MCF2L2: variants seen among roughly 807,000 people sequenced by gnomAD.
MCF2L2 encodes the protein MCF.2 cell line derived transforming sequence-like 2, also known as probable guanine nucleotide exchange factor MCF2L2.
MCF2L2 carries 102 observed loss-of-function variants against 150.2 expected under a neutral mutation model. The ratio of observed to expected loss-of-function variants is 0.68; its 90% CI spans 0.58 to 0.80. The LOEUF is 0.80. Among genes scored for constraint, MCF2L2 ranks in the 30% least tolerant of loss-of-function variants. The probability of loss-of-function intolerance (pLI) is 0.00; values close to 1 mark genes in which losing one functional copy is unlikely to be tolerated. For synonymous variants in MCF2L2, 465 were observed against 491.3 expected (o/e 0.95, Z 0.71); for missense variants, 1,256 against 1,372.8 (o/e 0.91, Z 1.34).
chr3:183,273,087 C>A (rs1393335629), intron 15 of MCF2L2: 36 of 1,410,798 alleles, frequency 2.6e-5, no homozygotes, highest in Non-Finnish European at 3.3e-5. Context: ...GGGTTCCAAC[C>A]TTTTAAAAAA....
intron 3 of MCF2L2, chr3:183,378,329 T>C (rs9875730): frequency 0.068 from 10,428 of 152,416 alleles, 1,225 homozygotes; most frequent in African/African-American, 0.24. Flanking sequence ...GACACAGCAC[T>C]GCCTAAGGAG....
intron 27 of MCF2L2, among the ~76,000 whole-genome samples, chr3:183,180,521 C>A (rs1721484701): frequency 6.6e-6 from 1 of 152,128 alleles, no homozygotes; most frequent in Non-Finnish European, 1.5e-5. Context: ...GCCTCCTTTT[C>A]TCTCCCCTAA....
At chr3:183,213,911 G>T (rs552343735) in intron 22 of MCF2L2, among the ~76,000 whole-genome samples, 2 of 152,306 alleles carry the variant, frequency 1.3e-5, no homozygotes, top group Admixed American at 6.5e-5. Flanking sequence ...TAGTAGAAAA[G>T]GTACCAAAAA....
intron 2 of MCF2L2, among the ~76,000 whole-genome samples, chr3:183,386,116 T>C (rs1389975682): frequency 1.3e-5 from 2 of 152,202 alleles, no homozygotes; most frequent in Non-Finnish European, 2.9e-5. Flanking sequence ...TAAGTTCCCT[T>C]GTAGTCAGAT....
At chr3:183,204,812 T>G (rs1307199869) in intron 25 of MCF2L2, among the ~76,000 whole-genome samples, 1 of 152,148 alleles carries the variant, frequency 6.6e-6, no homozygotes, top group Non-Finnish European at 1.5e-5. Flanking sequence ...AATGGACTGT[T>G]ACTCAGCCAT....
intron 15 of MCF2L2, among the ~76,000 whole-genome samples, chr3:183,276,086 C>T (rs955620730): frequency 1.3e-5 from 2 of 152,144 alleles, no homozygotes; most frequent in African/African-American, 4.8e-5. Flanking sequence ...GAGATTATAC[C>T]ATTCAACGCC....
In MCF2L2 at chr3:183,257,958, C is replaced by CTTTTTTTTTTTTTTTTTT. The variant is rs35323502; in HGVS notation, c.1862+18896_1862+18913dup. Reference sequence around the variant, plus strand: ...TATTCCTTGCTCCCTCCACTTCACCCTTTTTTTTTTTTTTTTTTTTTTTTT... The same window carrying CTTTTTTTTTTTTTTTTTT: ...TATTCCTTGCTCCCTCCACTTCACCCTTTTTTTTTTTTTTTTTTTTTTTTTTTTTTTTTTTTTTTTTTT... On this transcript the variant is annotated intron_variant, in intron 15 of 29. Transcript: ENST00000328913. 4.6e-5 allele frequency among the ~76,000 whole-genome samples: 3 copies of CTTTTTTTTTTTTTTTTTT among 64,724 alleles called. 1 individual carries two copies. The highest frequency in any genetic ancestry group is 2.1e-4 in the African/African-American group (3 of 14,392). 42.5% of individuals were successfully genotyped at this position (64,724 alleles called of 152,430 possible). A position where few individuals can be genotyped will look rare whatever the true frequency, so the allele number is the denominator to read the frequency against.
intron 1 of MCF2L2, among the ~76,000 whole-genome samples, chr3:183,394,826 A>G (rs1410699285): frequency 6.6e-6 from 1 of 152,172 alleles, no homozygotes; most frequent in Admixed American, 6.5e-5. Context: ...CTAATACACA[A>G]TGCTGGGGTT....
chr3:183,421,160 A>G (rs73186911), intron 1 of MCF2L2, among the ~76,000 whole-genome samples: 12,886 of 146,266 alleles, frequency 0.088, 562 homozygotes, highest in African/African-American at 0.099. Context: ...GGATCTCTTT[A>G]CCTTTTTCCT....
At chr3:183,393,544 T>C (rs934507075) in intron 1 of MCF2L2, among the ~76,000 whole-genome samples, 4 of 152,172 alleles carry the variant, frequency 2.6e-5, no homozygotes, top group African/African-American at 9.7e-5. Flanking sequence ...GATAATTCAA[T>C]TTCAACACAA....
At chr3:183,277,255 C>T (rs1045907069) in intron 14 of MCF2L2, among the ~76,000 whole-genome samples, 7 of 150,646 alleles carry the variant, frequency 4.6e-5, no homozygotes, top group African/African-American at 1.7e-4. Flanking sequence ...GAGAATTGCT[C>T]GAACCTGGGA....
chr3:183,382,187 T>C (rs1302198143), intron 2 of MCF2L2, among the ~76,000 whole-genome samples: 3 of 152,010 alleles, frequency 2.0e-5, no homozygotes, highest in African/African-American at 7.3e-5. Flanking sequence ...GCCTACCGAG[T>C]AGCTGGGATT....
At chr3:183,353,125 A>T (rs1048681541) in intron 3 of MCF2L2, among the ~76,000 whole-genome samples, 5 of 152,138 alleles carry the variant, frequency 3.3e-5, no homozygotes, top group Non-Finnish European at 5.9e-5. Context: ...AAATGTTTAA[A>T]TTTTTCTGTA....
At chr3:183,353,882 T>C (rs886822136) in intron 3 of MCF2L2, among the ~76,000 whole-genome samples, 2 of 152,184 alleles carry the variant, frequency 1.3e-5, no homozygotes, top group African/African-American at 4.8e-5. Flanking sequence ...TTCCTTTCTA[T>C]AGAGCTTCCA....
intron 3 of MCF2L2, among the ~76,000 whole-genome samples, chr3:183,346,346 T>G (rs1250432871): frequency 6.6e-6 from 1 of 152,194 alleles, no homozygotes; most frequent in South Asian, 2.1e-4. Context: ...AGAAAAGCCC[T>G]TCGATAAAAT....
chr3:183,311,708 G>T lies in MCF2L2; in HGVS notation c.818C>A (p.Thr273Asn), dbSNP rs1729387006. 22 of 1,613,972 alleles carry T rather than the reference G, an allele frequency of 1.4e-5. No homozygotes were observed. The highest frequency in any genetic ancestry group is 1.8e-5 in the Non-Finnish European group (21 of 1,180,006). ...ATTGAGTTTGCTGTTGGGACATTTGGTTGCTGGTTCTTGGATGCATGACAG... is the reference window on the plus strand; with the variant it reads ...ATTGAGTTTGCTGTTGGGACATTTGTTTGCTGGTTCTTGGATGCATGACAG... Reference protein sequence around the residue: ...TLLSCIQEPATKCPNSKLNLN... With the variant: ...TLLSCIQEPANKCPNSKLNLN... Residue 273 changes from threonine to asparagine, a missense_variant, in exon 8 of 30, where the codon ACC (threonine) becomes AAC (asparagine). Thr to Asn is a moderately conservative substitution (Grantham distance 65). Coordinates refer to ENST00000328913, the MANE Select transcript of MCF2L2 (RefSeq NM_015078.4).
chr3:183,393,108 C>A (rs1714251995), intron 1 of MCF2L2, among the ~76,000 whole-genome samples: 1 of 152,168 alleles, frequency 6.6e-6, no homozygotes, highest in Admixed American at 6.5e-5. Flanking sequence ...CTGTTACACA[C>A]CTGCCCTGGC....
rs769060036 is a variant in MCF2L2 at position 183,229,766 on chromosome 3, T to C, written c.1945A>G (p.Met649Val). ...AGATGCTTTAGCCAAATAAAATCCA[T>C]TGGAGTGATATATCCCTGCAGAGGT... ...KSIIDGYITP[M>V]DFIWLKHLIP... The change falls in exon 17 of 30, where the codon ATG (methionine) becomes GTG (valine). Residue 649 changes from methionine to valine, a missense_variant. Coordinates refer to ENST00000328913, the MANE Select transcript of MCF2L2 (RefSeq NM_015078.4). The C allele has an allele frequency of 1.3e-4, 206 of 1,550,366 alleles. 1 individual carries two copies. Among genetic ancestry groups the C allele is most frequent in the Middle Eastern group, 3.4e-4 (2 of 5,966 alleles).
intron 3 of MCF2L2, among the ~76,000 whole-genome samples, chr3:183,357,318 C>T (rs7620788): frequency 0.31 from 47,714 of 152,026 alleles, 10,066 homozygotes; most frequent in African/African-American, 0.6. Flanking sequence ...AACAGAACTA[C>T]TTCTTGAGCT....
Sources: allele counts gnomAD v4.1 joint callset (sites outside exome capture counted in the v4.1 genomes callset), GRCh38; gene constraint gnomAD v4.1.1; transcripts MANE v1.5; gene names NCBI Gene and HGNC (gene_info 2026-07-23, HGNC 2026-07-21).